The following TCF7L1 variants were observed in gnomAD, a reference collection of about 807,000 sequenced individuals.
The protein encoded by TCF7L1 is transcription factor 7 like 1, also known as transcription factor 7-like 1.
A neutral mutation model predicts 63.7 loss-of-function variants in TCF7L1; 18 were observed. The ratio of observed to expected loss-of-function variants is 0.28; its 90% CI spans 0.20 to 0.42. TCF7L1 has a LOEUF of 0.42. TCF7L1 is among the 10% of genes least tolerant of loss of function. The pLI is 1.00. For missense variants in TCF7L1, 654 were observed against 779.3 expected (o/e 0.84, Z 1.91); for synonymous variants, 355 against 340.9 (o/e 1.04, Z -0.46).
intron 4 of TCF7L1, among the ~76,000 whole-genome samples, chr2:85,295,878 A>G (rs1431699255): frequency 6.8e-6 from 1 of 146,364 alleles, no homozygotes; most frequent in East Asian, 2.1e-4. Context: ...CCTGGGTTCA[A>G]GTGATTCTCC....
At chr2:85,165,117 G>A (rs2104226688) in intron 3 of TCF7L1, among the ~76,000 whole-genome samples, 1 of 152,344 alleles carries the variant, frequency 6.6e-6, no homozygotes, top group Non-Finnish European at 1.5e-5. Context: ...GAAGAGGATA[G>A]GGATCCTTGG....
intron 3 of TCF7L1, among the ~76,000 whole-genome samples, chr2:85,166,033 A>T (rs1678409499): frequency 6.6e-6 from 1 of 152,188 alleles, no homozygotes; most frequent in Admixed American, 6.5e-5. Context: ...TGTTTTATGG[A>T]ACTTATTTTA....
At chr2:85,185,961 T>A (rs1396669850) in intron 3 of TCF7L1, among the ~76,000 whole-genome samples, 1 of 71,380 alleles carries the variant, frequency 1.4e-5, no homozygotes, top group Non-Finnish European at 2.5e-5. Context: ...ACACAGGGGA[T>A]TTTTTTTTTT....
At chr2:85,211,096 G>C (rs962399667) in intron 3 of TCF7L1, among the ~76,000 whole-genome samples, 1 of 152,214 alleles carries the variant, frequency 6.6e-6, no homozygotes, top group African/African-American at 2.4e-5. Context: ...GCAGTTTTCT[G>C]TCTTCAAGAC....
chr2:85,168,387 A>G (rs1000743246), intron 3 of TCF7L1, among the ~76,000 whole-genome samples: 6 of 152,174 alleles, frequency 3.9e-5, no homozygotes, highest in Non-Finnish European at 5.9e-5. Context: ...TGTAAAAAAC[A>G]AAAAAAGAGT....
At chr2:85,272,213 A>G (rs1003768148) in intron 3 of TCF7L1, among the ~76,000 whole-genome samples, 6 of 152,178 alleles carry the variant, frequency 3.9e-5, no homozygotes, top group African/African-American at 1.4e-4. Context: ...GGAGGTAACT[A>G]AAGTCATTAA....
At chr2:85,218,780 A>G (rs1445062045) in intron 3 of TCF7L1, among the ~76,000 whole-genome samples, 2 of 152,146 alleles carry the variant, frequency 1.3e-5, no homozygotes, top group African/African-American at 2.4e-5. Context: ...TCATCTGCAG[A>G]TTAAGTGGCA....
chr2:85,286,409 G>A (rs1681554914), intron 4 of TCF7L1, among the ~76,000 whole-genome samples: 1 of 152,040 alleles, frequency 6.6e-6, no homozygotes, highest in Non-Finnish European at 1.5e-5. Context: ...AGGTATGGTG[G>A]CTCATGCCTT....
chr2:85,268,697 T>G (rs1402117182), intron 3 of TCF7L1, among the ~76,000 whole-genome samples: 1 of 151,576 alleles, frequency 6.6e-6, no homozygotes, highest in African/African-American at 2.4e-5. Flanking sequence ...CCTCCTCGGT[T>G]TCCCAAAGTG....
intron 3 of TCF7L1, among the ~76,000 whole-genome samples, chr2:85,256,695 G>C (rs1409922010): frequency 6.6e-6 from 1 of 152,140 alleles, no homozygotes; most frequent in African/African-American, 2.4e-5. Flanking sequence ...TGGTTACATT[G>C]ATATTTACAT....
chr2:85,232,629 A>G (rs1313337477), intron 3 of TCF7L1, among the ~76,000 whole-genome samples: 1 of 151,770 alleles, frequency 6.6e-6, no homozygotes, highest in Non-Finnish European at 1.5e-5. Flanking sequence ...CCTTCCCACT[A>G]TTTTCTCCTA....
chr2:85,302,510 C>A lies in TCF7L1; in HGVS notation c.552C>A (p.His184Gln), dbSNP rs373884024. ...CTAATAAAGTTCCTGTCGTTCAGCACCCGCATCACATGCATCCGCTGACTC... is the reference window on the plus strand; with the variant it reads ...CTAATAAAGTTCCTGTCGTTCAGCAACCGCATCACATGCATCCGCTGACTC... ...HLSNKVPVVQ[H>Q]PHHMHPLTPL... The change falls in exon 5 of 12, where the codon CAC becomes CAA. Residue 184 changes from histidine (H) to glutamine (Q), a missense_variant. His to Gln is a conservative substitution (Grantham distance 24). This residue lies in a region of TCF7L1 where 404 missense variants were observed against 454.8 expected (regional missense o/e 0.89). Transcript: ENST00000282111. The A allele has an allele frequency of 6.2e-7, 1 of 1,614,168 alleles. No homozygotes were observed. Among genetic ancestry groups the A allele is most frequent in the East Asian group, 2.2e-5 (1 of 44,884 alleles).
chr2:85,298,280 C>T (rs925873652), intron 4 of TCF7L1, among the ~76,000 whole-genome samples: 2 of 150,348 alleles, frequency 1.3e-5, no homozygotes, highest in Non-Finnish European at 1.5e-5. Flanking sequence ...ATCACGAGGT[C>T]GAGAGATCGA....
Position 85,305,420 on chromosome 2 carries a change from C to T in TCF7L1, c.989+17C>T, listed in dbSNP as rs1306080070. 6.3e-7 allele frequency: 1 copy of T among 1,595,906 alleles called. No individual in the cohort carries two copies. The highest frequency in any genetic ancestry group is 1.1e-5 in the South Asian group (1 of 87,942). On this transcript the variant is annotated intron_variant, in intron 8 of 11. Transcript: ENST00000282111. ...AGTGAGCGTGTAAGTAAGCGGCAGCCTGGATTCAGGTGGGAGGGTGCAGGC... is the reference window on the plus strand; with the variant it reads ...AGTGAGCGTGTAAGTAAGCGGCAGCTTGGATTCAGGTGGGAGGGTGCAGGC...
intron 3 of TCF7L1, among the ~76,000 whole-genome samples, chr2:85,222,255 C>T (rs748656710): frequency 2.0e-5 from 3 of 151,264 alleles, no homozygotes; most frequent in Non-Finnish European, 4.4e-5. Flanking sequence ...GCAGGAGAAT[C>T]GCTTGAAACC....
rs950033046 is a variant in TCF7L1, at chr2:85,134,261, C to A, written c.314-62C>A. ...GGTCCCCAGCTCCCGCCTCGAGCCC[C>A]CTGCCGCGGCGCTGTCAGTCCCGGG... On this transcript the variant is annotated intron_variant, in intron 2 of 11. Coordinates refer to ENST00000282111, the MANE Select transcript of TCF7L1 (RefSeq NM_031283.3). This position sits in a 1 kb window ranked among gnomAD's most constrained non-coding sequence, Gnocchi z 5.0. 1 of 1,500,630 alleles carries A rather than the reference C, an allele frequency of 6.7e-7. No homozygotes were observed. Among genetic ancestry groups the A allele is most frequent in the Non-Finnish European group, 8.9e-7 (1 of 1,123,566 alleles). 93.0% of individuals were successfully genotyped at this position (1,500,630 alleles called of 1,614,324 possible).
At chr2:85,161,149 C>T (rs560500954) in intron 3 of TCF7L1, among the ~76,000 whole-genome samples, 7 of 152,258 alleles carry the variant, frequency 4.6e-5, no homozygotes, top group East Asian at 1.9e-4. Flanking sequence ...ACAGCTTCAA[C>T]GCATGAACCA....
Position 85,306,079 on chromosome 2 carries a change from A to T in TCF7L1, c.990-127A>T. The T allele has an allele frequency of 9.0e-7, 1 of 1,107,820 alleles. No homozygotes were observed. The allele number at this position is 1,107,820 out of a possible 1,614,324, so 68.6% of individuals were successfully genotyped here. ...AGGTGTTGAGTGCAGCCATGGGGCC[A>T]CTTGAATTAGCATCCAGGCAGCCCG... On this transcript the variant is annotated intron_variant, in intron 8 of 11. Transcript: ENST00000282111. The surrounding 1 kb of genome is among the most constrained non-coding windows in gnomAD (Gnocchi z 4.3).
intron 3 of TCF7L1, among the ~76,000 whole-genome samples, chr2:85,232,240 T>G (rs1573001854): frequency 6.6e-6 from 1 of 152,208 alleles, no homozygotes; most frequent in African/African-American, 2.4e-5. Context: ...TGTGTGTGTT[T>G]GTTTTTGTGA....
Sources: gnomAD v4.1 joint callset for allele counts (sites outside exome capture counted in the v4.1 genomes callset) on GRCh38, gnomAD v4.1.1 for gene constraint, gnomAD v4.1.1 regional missense constraint, Gnocchi (gnomAD v3.1) non-coding constraint, MANE v1.5 for transcripts, NCBI Gene and HGNC (gene_info 2026-07-23, HGNC 2026-07-21) for gene names.